CNGB1: variants seen among roughly 807,000 people sequenced by gnomAD.
The protein encoded by CNGB1 is cyclic nucleotide-gated channel beta-1.
In CNGB1, 126 loss-of-function variants were observed where a neutral mutation model predicts 151.7. That is an observed-to-expected ratio of 0.83 (90% CI 0.72 to 0.96). The LOEUF (loss-of-function observed/expected upper bound fraction) is 0.96, where lower values mean the gene tolerates loss of function less well. Ranked by LOEUF, CNGB1 falls within the 40% of genes least tolerant of loss-of-function variation. The pLI is 0.00. For synonymous variants in CNGB1, 623 were observed against 635.1 expected (o/e 0.98, Z 0.29); for missense variants, 1,698 against 1,627.0 (o/e 1.04, Z -0.75).
At chr16:57,901,688 G>A (rs1220249723) in intron 27 of CNGB1, 63 bp from the exon 28 acceptor site, 15 of 1,373,968 alleles carry the variant, frequency 1.1e-5, no homozygotes, top group African/African-American at 5.7e-5. Context: ...CATACATACC[G>A]GCCAAGTGCC....
intron 29 of CNGB1, among the ~76,000 whole-genome samples, chr16:57,900,195 C>G (rs1960348606): frequency 6.6e-6 from 1 of 152,244 alleles, no homozygotes; most frequent in African/African-American, 2.4e-5. Context: ...CAGGAAGGGG[C>G]TCCAGTGTCA....
intron 16 of CNGB1, among the ~76,000 whole-genome samples, chr16:57,935,596 C>A (rs1454866783): frequency 1.3e-5 from 2 of 151,796 alleles, no homozygotes; most frequent in Non-Finnish European, 2.9e-5. Context: ...TGCAGTGAGC[C>A]GAGATGGTGC....
intron 31 of CNGB1, among the ~76,000 whole-genome samples, chr16:57,889,758 C>T (rs1488636289): frequency 1.3e-5 from 2 of 152,152 alleles, no homozygotes; most frequent in African/African-American, 4.8e-5. Context: ...GGCCACACAG[C>T]TAAGAAGCGG....
chr16:57,964,850 GA>G (rs747527966), intron 2 of CNGB1, among the ~76,000 whole-genome samples: 46 of 152,298 alleles, frequency 3.0e-4, no homozygotes, highest in South Asian at 6.2e-4. Flanking sequence ...CCTGAGAGGA[GA>G]AAGGACCATT....
At chr16:57,916,019 C>T in intron 22 of CNGB1, 110 bp downstream of exon 22, 3 of 1,044,030 alleles carry the variant, frequency 2.9e-6, no homozygotes, top group South Asian at 2.5e-5. Flanking sequence ...ACCAGCATCC[C>T]TCCGTGTGGC....
At chr16:57,967,383 T>G in intron 1 of CNGB1, 89 bp from the exon 2 acceptor site, 1 of 1,354,368 alleles carries the variant, frequency 7.4e-7, no homozygotes, top group South Asian at 1.2e-5. Context: ...GTACATTTCC[T>G]TTTCCTTCAT....
In CNGB1 at chr16:57,901,642, G is replaced by T. The variant is rs1960394824; in HGVS notation, c.2795-17C>A. 1.2e-6 allele frequency: 2 copies of T among 1,610,018 alleles called. No homozygotes were observed. The highest frequency in any genetic ancestry group is 1.7e-6 in the Non-Finnish European group (2 of 1,177,462). ...CTGACTCATCTGTGAACAAGGCCTG[G>T]CAAGGGTCAGAGGCAAGGCCGGGCC... On this transcript the variant is annotated splice_polypyrimidine_tract_variant and intron_variant, in intron 27 of 32. Coordinates refer to ENST00000251102, the MANE Select transcript of CNGB1 (RefSeq NM_001297.5).
intron 1 of CNGB1, among the ~76,000 whole-genome samples, chr16:57,967,966 T>C (rs1171828062): frequency 6.6e-6 from 1 of 152,114 alleles, no homozygotes; most frequent in Admixed American, 6.5e-5. Flanking sequence ...TAAATGTTCA[T>C]CTCTAAGAGG....
chr16:57,899,993 G>A (rs1960344212), intron 29 of CNGB1, among the ~76,000 whole-genome samples: 1 of 152,224 alleles, frequency 6.6e-6, no homozygotes, highest in African/African-American at 2.4e-5. Flanking sequence ...AGCAAACTCT[G>A]CATCACCCAC....
Position 57,884,331 on chromosome 16 carries a change from G to T in CNGB1, c.3589C>A (p.Pro1197Thr). The T allele has an allele frequency of 6.2e-7, 1 of 1,611,174 alleles. No individual in the cohort carries two copies. The highest frequency in any genetic ancestry group is 8.5e-7 in the Non-Finnish European group (1 of 1,179,108). Residue 1197 changes from proline to threonine, a missense_variant, in exon 33 of 33, where the codon CCG becomes ACG. Coordinates refer to ENST00000251102, the MANE Select transcript of CNGB1 (RefSeq NM_001297.5). ...RTPPEPPGSP[P>T]SSPPPASLGR... is the part of the protein sequence containing the mutation. ...AGGGAGGCAGGCGGTGGAGAGCTCGGTGGAGACCCCGGGGGCTCGGGGGGC... is the reference window on the plus strand; with the variant it reads ...AGGGAGGCAGGCGGTGGAGAGCTCGTTGGAGACCCCGGGGGCTCGGGGGGC...
At chr16:57,950,844 G>T (rs1432078195) in intron 12 of CNGB1, among the ~76,000 whole-genome samples, 5 of 152,342 alleles carry the variant, frequency 3.3e-5, no homozygotes, top group Non-Finnish European at 5.9e-5. Context: ...AAAGGTTTGT[G>T]CAGAGGCAGA....
intron 17 of CNGB1, 53 bp from the exon 18 acceptor site, chr16:57,923,433 G>T: frequency 7.0e-7 from 1 of 1,429,190 alleles, no homozygotes; most frequent in Non-Finnish European, 9.8e-7. Context: ...AGGCCCCAGG[G>T]AGAAGTGTCA....
At chr16:57,891,812 C>A (rs952976892) in intron 31 of CNGB1, among the ~76,000 whole-genome samples, 4 of 152,202 alleles carry the variant, frequency 2.6e-5, no homozygotes, top group African/African-American at 7.2e-5. Context: ...CCACCTCAGC[C>A]TCCCAAAGTG....
chr16:57,938,324 C>T (rs1961567490), intron 16 of CNGB1, among the ~76,000 whole-genome samples: 1 of 152,204 alleles, frequency 6.6e-6, no homozygotes, highest in Non-Finnish European at 1.5e-5. Flanking sequence ...TAACAGAGAA[C>T]ACTTTTCAAA....
chr16:57,951,723 T>C (rs1454146408), intron 12 of CNGB1, among the ~76,000 whole-genome samples: 1 of 152,206 alleles, frequency 6.6e-6, no homozygotes. Context: ...GGGTTATAAT[T>C]TGCATCCCCA....
At chr16:57,969,628 T>C (rs1203404751) in intron 1 of CNGB1, among the ~76,000 whole-genome samples, 1 of 152,190 alleles carries the variant, frequency 6.6e-6, no homozygotes, top group Non-Finnish European at 1.5e-5. Context: ...AAAATGCTTA[T>C]AGTGCTATAT....
intron 25 of CNGB1, 40 bp from the exon 26 acceptor site, chr16:57,904,915 C>T (rs756911538): frequency 2.7e-5 from 43 of 1,613,318 alleles, no homozygotes; most frequent in South Asian, 1.1e-4. Context: ...TCATCACAGG[C>T]CCCACTCTGC....
chr16:57,890,798 T>C (rs55789570), intron 31 of CNGB1, among the ~76,000 whole-genome samples: 1,964 of 152,312 alleles, frequency 0.013, 18 homozygotes, highest in Middle Eastern at 0.024. Flanking sequence ...TCAGACAGTG[T>C]ATCTCCCCTG....
chr16:57,968,009 T>A (rs1962443936), intron 1 of CNGB1, among the ~76,000 whole-genome samples: 1 of 152,132 alleles, frequency 6.6e-6, no homozygotes, highest in Admixed American at 6.5e-5. Context: ...CTATACCCAA[T>A]AATAGAATAT....
Sources: gnomAD v4.1 joint callset for allele counts (sites outside exome capture counted in the v4.1 genomes callset) on GRCh38, gnomAD v4.1.1 for gene constraint, MANE v1.5 for transcripts, NCBI Gene and HGNC (gene_info 2026-07-23, HGNC 2026-07-21) for gene names.